CDS1: variants seen among roughly 807,000 people sequenced by gnomAD.
The protein encoded by CDS1 is CDP-diacylglycerol synthase 1, also known as phosphatidate cytidylyltransferase 1.
CDS1 carries 41 observed loss-of-function variants against 62.1 expected under a neutral mutation model. The ratio of observed to expected loss-of-function variants is 0.66; its 90% confidence interval spans 0.51 to 0.86. The LOEUF is 0.86. Ranked by LOEUF, CDS1 falls within the 40% of genes least tolerant of loss-of-function variation. The pLI, the probability that CDS1 is intolerant of heterozygous loss-of-function variation, is 0.00. For missense variants in CDS1, 470 were observed against 550.1 expected (o/e 0.85, Z 1.46); for synonymous variants, 185 against 192.6 (o/e 0.96, Z 0.32).
At chr4:84,625,806 G>A (rs1427541975) in intron 5 of CDS1, among the ~76,000 whole-genome samples, 1 of 151,656 alleles carries the variant, frequency 6.6e-6, no homozygotes, top group Non-Finnish European at 1.5e-5. Context: ...AGTTACTACT[G>A]TAATCCACAC....
rs1722297364 is a variant in CDS1, at chr4:84,583,147, G to A, written c.-255G>A. The A allele has an allele frequency of 2.3e-6, 1 of 425,696 alleles. No individual in the cohort carries two copies. Among genetic ancestry groups the A allele is most frequent in the Non-Finnish European group, 4.2e-6 (1 of 239,118 alleles). 26.4% of individuals were successfully genotyped at this position (425,696 alleles called of 1,614,324 possible). ...TCTCCGCCTTCTCTGCTCGCGCCTGGCGCCCGGAGCCTGCCCGGGACCTCC... is the reference window on the plus strand; with the variant it reads ...TCTCCGCCTTCTCTGCTCGCGCCTGACGCCCGGAGCCTGCCCGGGACCTCC... On this transcript the variant is annotated 5_prime_UTR_variant, in exon 1 of 13. Coordinates refer to ENST00000295887, the MANE Select transcript of CDS1 (RefSeq NM_001263.4).
In CDS1 at chr4:84,635,295, A is replaced by G. The variant is rs773293764; in HGVS notation, c.754A>G (p.Asn252Asp). 1 of 1,581,924 alleles carries G rather than the reference A, an allele frequency of 6.3e-7. No individual in the cohort carries two copies. The highest frequency in any genetic ancestry group is 1.1e-5 in the South Asian group (1 of 87,192). The change falls in exon 8 of 13, where the codon AAT becomes GAT. Residue 252 changes from asparagine (N) to aspartate (D), a missense_variant. Physicochemically the swap from Asn to Asp is conservative, Grantham distance 23 (BLOSUM62 1). Transcript: ENST00000295887. ...FLVPISSVIC[N>D]DITAYLFGFF... ...TGTTCCAATATCAAGTGTTATCTGC[A>G]ATGACATAACTGCTTACCTTTTTGG...
rs1724706349 is a variant in CDS1, at chr4:84,650,693, T to C, written c.*2007T>C. 6.6e-6 allele frequency: 1 copy of C among 152,232 alleles called. No homozygotes were observed. Among genetic ancestry groups the C allele is most frequent in the Non-Finnish European group, 1.5e-5 (1 of 68,028 alleles). 9.4% of individuals were successfully genotyped at this position (152,232 alleles called of 1,614,324 possible). ...TATTATTATAAACAAAATAGGAAGC[T>C]AGAAATATTTGGGATCACAGTAATA... On this transcript the variant is annotated 3_prime_UTR_variant, in exon 13 of 13. Coordinates refer to ENST00000295887, the MANE Select transcript of CDS1 (RefSeq NM_001263.4).
chr4:84,591,955 C>T (rs529439736), intron 1 of CDS1, among the ~76,000 whole-genome samples: 4 of 151,994 alleles, frequency 2.6e-5, no homozygotes, highest in South Asian at 2.1e-4. Context: ...TGATTTCAGG[C>T]GCCTAGATTT....
At chr4:84,626,760 A>G (rs540114102) in intron 5 of CDS1, among the ~76,000 whole-genome samples, 7 of 152,296 alleles carry the variant, frequency 4.6e-5, no homozygotes, top group African/African-American at 9.6e-5. Flanking sequence ...TCTCTTGTTT[A>G]TTTAATTCCC....
chr4:84,593,905 A>C (rs1349563787), intron 1 of CDS1, among the ~76,000 whole-genome samples: 3 of 152,222 alleles, frequency 2.0e-5, no homozygotes, highest in Non-Finnish European at 4.4e-5. Context: ...TGTTCTTTGC[A>C]TCATAAATTC....
At chr4:84,606,049 C>G (rs558210944) in intron 2 of CDS1, among the ~76,000 whole-genome samples, 3 of 152,066 alleles carry the variant, frequency 2.0e-5, no homozygotes. Flanking sequence ...TCAATCTTCT[C>G]GAGAAACTTT....
Position 84,583,187 on chromosome 4 carries a change from C to G in CDS1, c.-215C>G. On this transcript the variant is annotated 5_prime_UTR_variant, in exon 1 of 13. Coordinates refer to ENST00000295887, the MANE Select transcript of CDS1 (RefSeq NM_001263.4). The stretch of plus-strand genomic sequence containing the variant: ...CCGGGACCTCCGCCGGAGCCGCGCT[C>G]GCTGCAGGCGGCCTCGAGCGCTCTC... 2.2e-6 allele frequency: 1 copy of G among 452,624 alleles called. No individual in the cohort carries two copies. The highest frequency in any genetic ancestry group is 3.9e-6 in the Non-Finnish European group (1 of 255,782). 28.0% of individuals were successfully genotyped at this position (452,624 alleles called of 1,614,324 possible).
At chr4:84,599,261 A>G (rs1722845719) in intron 1 of CDS1, among the ~76,000 whole-genome samples, 1 of 151,796 alleles carries the variant, frequency 6.6e-6, no homozygotes, top group Non-Finnish European at 1.5e-5. Context: ...CTAATTACCT[A>G]ATTGACTTCA....
intron 5 of CDS1, among the ~76,000 whole-genome samples, chr4:84,626,172 A>AAAC (rs1723854008): frequency 6.6e-6 from 1 of 152,200 alleles, no homozygotes; most frequent in South Asian, 2.1e-4. Flanking sequence ...CATTTCAAAA[A>AAAC]AAACAAACAA....
chr4:84,619,627 A>C (rs2148648439), intron 5 of CDS1, 94 bp downstream of exon 5: 2 of 708,816 alleles, frequency 2.8e-6, no homozygotes, highest in Non-Finnish European at 4.2e-6. Flanking sequence ...TTTTTGGTTA[A>C]ATTTTATTCC....
intron 1 of CDS1, among the ~76,000 whole-genome samples, chr4:84,599,765 C>A (rs768264757): frequency 2.6e-5 from 4 of 151,968 alleles, no homozygotes; most frequent in Non-Finnish European, 5.9e-5. Context: ...ATGAAAGTAA[C>A]ATAATTTGTC....
Position 84,635,239 on chromosome 4 carries a change from CTTT to C in CDS1, c.723-11_723-9del, listed in dbSNP as rs11310518. 337 of 1,033,222 alleles carry C rather than the reference CTTT, an allele frequency of 3.3e-4. No individual in the cohort carries two copies. The highest frequency in any genetic ancestry group is 5.0e-4 in the Middle Eastern group (2 of 4,016). 64.0% of individuals were successfully genotyped at this position (1,033,222 alleles called of 1,614,324 possible). ...ACTCAGGTGAACTTTTTTCTGCTGA[CTTT>C]TTTTTTTTTTTTTAAAAACAGGTTC... On this transcript the variant is annotated intron_variant, in intron 7 of 12. Coordinates refer to ENST00000295887, the MANE Select transcript of CDS1 (RefSeq NM_001263.4).
Position 84,648,574 on chromosome 4 carries a change from A to G in CDS1, c.1274A>G (p.Lys425Arg), listed in dbSNP as rs1724620828. ...TSFIRGPNPS[K>R]VLQQLLVLQP... Reference sequence around the variant, plus strand: ...ATCATTAGGGGCCCAAATCCCAGCAAAGTGCTACAGCAGTTGTTGGTGCTT... The same window carrying G: ...ATCATTAGGGGCCCAAATCCCAGCAGAGTGCTACAGCAGTTGTTGGTGCTT... Residue 425 changes from lysine to arginine, a missense_variant, in exon 13 of 13, where the codon AAA (lysine) becomes AGA (arginine). By Grantham distance (26) the Lys-to-Arg change is conservative (BLOSUM62 2). Transcript: ENST00000295887. 6.2e-7 allele frequency: 1 copy of G among 1,613,430 alleles called. No individual in the cohort carries two copies. Among genetic ancestry groups the G allele is most frequent in the East Asian group, 2.2e-5 (1 of 44,866 alleles).
intron 3 of CDS1, among the ~76,000 whole-genome samples, chr4:84,612,376 T>G (rs1286265968): frequency 6.6e-6 from 1 of 152,076 alleles, no homozygotes; most frequent in African/African-American, 2.4e-5. Context: ...ACCACCAGTA[T>G]CCTAGATACA....
intron 1 of CDS1, among the ~76,000 whole-genome samples, chr4:84,596,700 A>G (rs1722762999): frequency 6.6e-6 from 1 of 152,122 alleles, no homozygotes; most frequent in African/African-American, 2.4e-5. Context: ...TTAAGACGTG[A>G]ATATCTTGGT....
intron 1 of CDS1, among the ~76,000 whole-genome samples, chr4:84,587,432 A>G (rs1722452976): frequency 6.6e-6 from 1 of 152,122 alleles, no homozygotes; most frequent in African/African-American, 2.4e-5. Flanking sequence ...TCCCCATTTA[A>G]TAGCTGAGAA....
At chr4:84,611,200 G>A (rs1723308782) in intron 3 of CDS1, among the ~76,000 whole-genome samples, 1 of 152,214 alleles carries the variant, frequency 6.6e-6, no homozygotes, top group Non-Finnish European at 1.5e-5. Context: ...TGGAACCGAG[G>A]AGAAATGCAT....
intron 2 of CDS1, among the ~76,000 whole-genome samples, 180 bp from the exon 3 acceptor site, chr4:84,609,249 A>G (rs1723239643): frequency 6.6e-6 from 1 of 151,946 alleles, no homozygotes; most frequent in Non-Finnish European, 1.5e-5. Context: ...TTTAAAAGTT[A>G]ATTTATCTCC....
Sources: allele counts gnomAD v4.1 joint callset (sites outside exome capture counted in the v4.1 genomes callset), GRCh38; gene constraint gnomAD v4.1.1; transcripts MANE v1.5; gene names NCBI Gene and HGNC (gene_info 2026-07-23, HGNC 2026-07-21).